NID1: variants seen among roughly 807,000 people sequenced by gnomAD.
The protein encoded by NID1 is nidogen 1, also known as nidogen-1.
Under a neutral mutation model 130.6 loss-of-function variants are expected in NID1, and 76 were observed. The observed-to-expected ratio is 0.58, with a 90% CI of 0.48 to 0.70. The LOEUF (loss-of-function observed/expected upper bound fraction) is 0.70. Ranked by LOEUF, NID1 falls within the 30% of genes least tolerant of loss-of-function variation. The pLI, the probability that NID1 is intolerant of heterozygous loss-of-function variation, is 0.00. For missense variants in NID1, 1,517 were observed against 1,664.8 expected, an observed-to-expected ratio of 0.91 and a Z score of 1.54; for synonymous variants, 665 against 675.1, an observed-to-expected ratio of 0.98 and a Z score of 0.23.
At position 236,063,123 on chromosome 1, in the gene NID1, C is replaced by T. The variant is rs564372555; in HGVS notation, c.225+1732G>A. Among the ~76,000 whole-genome samples the T allele has an allele frequency of 3.8e-5, 5 of 131,390 alleles. No homozygotes were observed. In the East Asian group the frequency reaches 1.1e-3, roughly 29 times the overall value. 86.2% of individuals were successfully genotyped at this position (131,390 alleles called of 152,430 possible). A position where few individuals can be genotyped will look rare whatever the true frequency, so the allele number is the denominator to read the frequency against. ...GAGCCAAGATCTCGCCACTGCACTCCAGCTTGTGCAACAGAGTGAGACTTC... is the reference window on the plus strand; with the variant it reads ...GAGCCAAGATCTCGCCACTGCACTCTAGCTTGTGCAACAGAGTGAGACTTC... On this transcript the variant is annotated intron_variant, in intron 1 of 19. Transcript: ENST00000264187.
chr1:236,037,162 T>G (rs762670627), intron 5 of NID1, among the ~76,000 whole-genome samples: 32 of 152,326 alleles, frequency 2.1e-4, no homozygotes, highest in Non-Finnish European at 3.7e-4. Context: ...AGAATGGACA[T>G]TGGCCCATAG....
chr1:236,026,562 A>G (rs770509015), intron 7 of NID1, among the ~76,000 whole-genome samples: 111 of 152,228 alleles, frequency 7.3e-4, no homozygotes, highest in Non-Finnish European at 1.3e-3. Context: ...TTCTCACACA[A>G]AATAGGTCAA....
Position 235,979,832 on chromosome 1 carries a change from C to A in NID1, c.3499G>T (p.Asp1167Tyr). The change falls in exon 18 of 20, where the codon GAC becomes TAC. Residue 1167 changes from aspartate (D) to tyrosine (Y), a missense_variant. Physicochemically the swap from Asp to Tyr is radical, Grantham distance 160 (BLOSUM62 -3). Around this residue, in one of 3 missense-constraint regions of NID1, gnomAD observed 181 missense variants for 211.3 expected, o/e 0.86. Transcript: ENST00000264187. This position sits in a 1 kb window ranked among gnomAD's most constrained non-coding sequence, Gnocchi z 4.6. ...CTACAGCTGACGTACATCTTCCAGT[C>A]TGTGAAATACAGATTCTTCCCGTAG... ...TSYGKNLYFT[D>Y]WKMNSVVALD... The A allele has an allele frequency of 1.2e-6, 2 of 1,613,964 alleles. No individual in the cohort carries two copies. The highest frequency in any genetic ancestry group is 2.2e-5 in the South Asian group (2 of 91,038).
At chr1:235,996,923 C>T (rs1193414519) in intron 12 of NID1, among the ~76,000 whole-genome samples, 4 of 152,106 alleles carry the variant, frequency 2.6e-5, no homozygotes, top group Admixed American at 6.5e-5. Context: ...CAAACTCTGC[C>T]TCCCGGGTTC....
At chr1:236,056,901 AAC>A (rs1467276365) in intron 1 of NID1, among the ~76,000 whole-genome samples, 10 of 140,724 alleles carry the variant, frequency 7.1e-5, no homozygotes, top group African/African-American at 3.3e-4. Context: ...GAAAAAAAAA[AAC>A]AAAAACATGA....
chr1:235,977,584 G>T lies in NID1; in HGVS notation c.*283C>A. ...TATTGGGAAAAGGTCCTAGGACACTGGGATGGGCATGTAATCCTCACTCAG... is the reference window on the plus strand; with the variant it reads ...TATTGGGAAAAGGTCCTAGGACACTTGGATGGGCATGTAATCCTCACTCAG... On this transcript the variant is annotated 3_prime_UTR_variant, in exon 20 of 20. Transcript: ENST00000264187. 2.8e-6 allele frequency: 1 copy of T among 360,464 alleles called. No individual in the cohort carries two copies. Among genetic ancestry groups the T allele is most frequent in the Non-Finnish European group, 5.2e-6 (1 of 193,298 alleles). 22.3% of individuals were successfully genotyped at this position (360,464 alleles called of 1,614,324 possible).
At position 235,981,845 on chromosome 1, in the gene NID1, T is replaced by C. The variant is rs715956; in HGVS notation, c.3056-63A>G. ...TTTCTAAGCAGCTGAGATGAGGTTT[T>C]TCTGAATACTCAATGTTATTTCACA... On this transcript the variant is annotated intron_variant, in intron 15 of 19. Transcript: ENST00000264187. 0.21 allele frequency: 301,528 copies of C among 1,443,302 alleles called. 36,836 individuals are homozygous for C. Among genetic ancestry groups the C allele is most frequent in the East Asian group, 0.63 (27,197 of 42,924 alleles). The allele number at this position is 1,443,302 out of a possible 1,614,324, so 89.4% of individuals were successfully genotyped here. A position where few individuals can be genotyped will look rare whatever the true frequency, so the allele number is the denominator to read the frequency against.
chr1:236,045,461 C>T lies in NID1; in HGVS notation c.748G>A (p.Ala250Thr). Residue 250 changes from alanine to threonine, a missense_variant, in exon 3 of 20, where the codon GCC becomes ACC. By Grantham distance (58) the Ala-to-Thr change is moderately conservative. Around this residue, in one of 3 missense-constraint regions of NID1, gnomAD observed 1,329 missense variants for 1,429.2 expected, o/e 0.93. Coordinates refer to ENST00000264187, the MANE Select transcript of NID1 (RefSeq NM_002508.3). ...ANDRESVENL[A>T]KSSNSGQQGV... ...TGAAGAACAAAGAAAGCATACTTGG[C>T]CAAATTTTCAACTGATTCCCTGTCA... 6.2e-7 allele frequency: 1 copy of T among 1,613,306 alleles called. No homozygotes were observed. Among genetic ancestry groups the T allele is most frequent in the South Asian group, 1.1e-5 (1 of 91,008 alleles).
chr1:235,980,629 G>A lies in NID1; in HGVS notation c.3252C>T (p.Asn1084=), dbSNP rs1345766133. 3.1e-6 allele frequency: 5 copies of A among 1,614,120 alleles called. No individual in the cohort carries two copies. The highest frequency in any genetic ancestry group is 4.2e-6 in the Non-Finnish European group (5 of 1,179,994). ...VRGNLYWTDW[N]RDNPKIETSY... ...AAGTTTCAATCTTGGGGTTATCTCT[G>A]TTCCAGTCTGTCCAGTAAAGGTTCC... The change falls in exon 17 of 20, where the codon AAC becomes AAT. Residue 1084 remains asparagine (N), a synonymous_variant. Coordinates refer to ENST00000264187, the MANE Select transcript of NID1 (RefSeq NM_002508.3).
intron 3 of NID1, among the ~76,000 whole-genome samples, chr1:236,043,808 C>T (rs1308961958): frequency 6.6e-6 from 1 of 151,892 alleles, no homozygotes; most frequent in Non-Finnish European, 1.5e-5. Flanking sequence ...AAAACAACAA[C>T]AAAAACAACA....
chr1:236,005,000 C>T (rs538040514), intron 12 of NID1, among the ~76,000 whole-genome samples: 1 of 151,968 alleles, frequency 6.6e-6, no homozygotes, highest in East Asian at 1.9e-4. Flanking sequence ...CACGGTGAAA[C>T]CCCATCTCTA....
Position 235,979,993 on chromosome 1 carries a change from C to A in NID1, c.3386-48G>T. The stretch of plus-strand genomic sequence containing the variant: ...ATTCATTGTTCACACAAGAAATGGC[C>A]CCTTTGTGCAAAAAAAACAAGAGTA... On this transcript the variant is annotated intron_variant, in intron 17 of 19. Transcript: ENST00000264187. The surrounding 1 kb of genome is among the most constrained non-coding windows in gnomAD (Gnocchi z 4.6). The A allele has an allele frequency of 6.3e-7, 1 of 1,594,782 alleles. No individual in the cohort carries two copies.
At chr1:236,037,460 C>A (rs1440947255) in intron 5 of NID1, among the ~76,000 whole-genome samples, 3 of 152,144 alleles carry the variant, frequency 2.0e-5, no homozygotes, top group Non-Finnish European at 4.4e-5. Flanking sequence ...GAGTTTGAGA[C>A]CAGTCTGGCC....
rs184451664 is a variant in NID1 at position 235,984,684 on chromosome 1, T to C, written c.3055+695A>G. Among the ~76,000 whole-genome samples the C allele has an allele frequency of 1.6e-3, 241 of 152,312 alleles. 1 individual carries two copies. Among genetic ancestry groups the C allele is most frequent in the African/African-American group, 5.4e-3 (226 of 41,566 alleles). On this transcript the variant is annotated intron_variant, in intron 15 of 19. Transcript: ENST00000264187. ...TGATGAGTCGCTGAATTAAGCAACA[T>C]GTAATACTTGACCATTTCAGCACAG...
rs767937242 is a variant in NID1, at chr1:236,017,151, C to A, written c.2251G>T (p.Val751Leu). The A allele has an allele frequency of 3.7e-6, 6 of 1,613,942 alleles. No homozygotes were observed. Among genetic ancestry groups the A allele is most frequent in the Non-Finnish European group, 5.1e-6 (6 of 1,179,912 alleles). Residue 751 changes from valine to leucine, a missense_variant, in exon 10 of 20, where the codon GTG (valine) becomes TTG (leucine). Physicochemically the swap from Val to Leu is conservative, Grantham distance 32 (BLOSUM62 1). This residue lies in a region of NID1 where 1,329 missense variants were observed against 1,429.2 expected (regional missense o/e 0.93). Transcript: ENST00000264187. The stretch of plus-strand genomic sequence containing the variant: ...AAAAGTTACCTGGAGAACTTACCCA[C>A]ACACGTTCCCTCATCTGAAAACTGG... ...GYQFSDEGTC[V>L]AVVDQRPINY...
intron 12 of NID1, among the ~76,000 whole-genome samples, chr1:236,011,296 C>CTTTTTTTTTTTTTTTTTTTTTTTTTT (rs3077493): frequency 1.5e-5 from 2 of 135,948 alleles, no homozygotes; most frequent in South Asian, 2.4e-4. Flanking sequence ...CAAATATATT[C>CTTTTTTTTTTTTTTTTTTTTTTTTTT]TTTTTTTTTC....
At chr1:236,062,434 A>G (rs1424789222) in intron 1 of NID1, among the ~76,000 whole-genome samples, 1 of 152,166 alleles carries the variant, frequency 6.6e-6, no homozygotes, top group African/African-American at 2.4e-5. Context: ...CAGGAGTTAG[A>G]GACCAGCCTG....
chr1:235,989,306 T>G (rs1042068811), intron 14 of NID1, among the ~76,000 whole-genome samples: 1 of 152,154 alleles, frequency 6.6e-6, no homozygotes, highest in African/African-American at 2.4e-5. Flanking sequence ...CACATGACAT[T>G]TAGCCTCTCC....
intron 15 of NID1, among the ~76,000 whole-genome samples, chr1:235,982,721 G>A (rs1463902114): frequency 1.3e-5 from 2 of 151,982 alleles, no homozygotes; most frequent in Non-Finnish European, 2.9e-5. Context: ...AATAACGATT[G>A]TGTTTTATTG....
Sources: allele counts gnomAD v4.1 joint callset (sites outside exome capture counted in the v4.1 genomes callset), GRCh38; gene constraint gnomAD v4.1.1; regional missense constraint gnomAD v4.1.1; non-coding constraint Gnocchi (gnomAD v3.1); transcripts MANE v1.5; gene names NCBI Gene and HGNC (gene_info 2026-07-23, HGNC 2026-07-21).